SCCPDH: variants seen among roughly 807,000 people sequenced by gnomAD.
SCCPDH encodes the protein saccharopine dehydrogenase (putative).
Under a neutral mutation model 51.5 loss-of-function variants are expected in SCCPDH, and 34 were observed. The observed-to-expected ratio is 0.66, with a 90% CI of 0.50 to 0.88. SCCPDH has a LOEUF of 0.88. SCCPDH is among the 40% of genes least tolerant of loss of function. The pLI is 0.00. For synonymous variants in SCCPDH, 187 were observed against 191.3 expected (o/e 0.98, Z 0.19); for missense variants, 464 against 527.1 (o/e 0.88, Z 1.17).
intron 5 of SCCPDH, among the ~76,000 whole-genome samples, chr1:246,746,107 C>CAAAAAA (rs756929255): frequency 3.3e-4 from 26 of 79,516 alleles, no homozygotes; most frequent in African/African-American, 1.3e-3. Context: ...GACTCCATCT[C>CAAAAAA]AAAAAAAAAA....
intron 2 of SCCPDH, among the ~76,000 whole-genome samples, chr1:246,734,594 C>T (rs979649430): frequency 1.1e-4 from 16 of 152,090 alleles, no homozygotes; most frequent in African/African-American, 2.9e-4. Flanking sequence ...CAGTGTTATC[C>T]GCCATTCTTA....
intron 2 of SCCPDH, among the ~76,000 whole-genome samples, chr1:246,734,669 G>A (rs1668541953): frequency 1.3e-5 from 2 of 152,166 alleles, no homozygotes; most frequent in South Asian, 2.1e-4. Flanking sequence ...TGTAAAGGTC[G>A]ATTGTGTCTT....
intron 3 of SCCPDH, among the ~76,000 whole-genome samples, chr1:246,739,021 G>A (rs1668639362): frequency 6.6e-6 from 1 of 152,110 alleles, no homozygotes; most frequent in Non-Finnish European, 1.5e-5. Flanking sequence ...GTGACTTAAT[G>A]TGTTTGTGTG....
rs1320572640 is a variant in SCCPDH, at chr1:246,724,561, C to G, written c.139C>G (p.Arg47Gly). ...CCGCCTGCCCTGGGCCGTGGCGGGC[C>G]GCTCCCGGGAGAAGCTGCAGCGGGT... Reference protein sequence around the residue: ...SSRLPWAVAGRSREKLQRVLE... With the variant: ...SSRLPWAVAGGSREKLQRVLE... Residue 47 changes from arginine to glycine, a missense_variant, in exon 1 of 12, where the codon CGC becomes GGC. Coordinates refer to ENST00000366510, the MANE Select transcript of SCCPDH (RefSeq NM_016002.3). The G allele has an allele frequency of 6.5e-7, 1 of 1,537,040 alleles. No individual in the cohort carries two copies.
intron 5 of SCCPDH, among the ~76,000 whole-genome samples, chr1:246,747,522 G>T (rs538956012): frequency 2.0e-5 from 3 of 152,184 alleles, no homozygotes; most frequent in Non-Finnish European, 2.9e-5. Flanking sequence ...TTTCAGTGCC[G>T]CAAAAGAAAT....
chr1:246,742,330 C>T (rs781328095), intron 4 of SCCPDH, among the ~76,000 whole-genome samples: 2 of 152,148 alleles, frequency 1.3e-5, no homozygotes, highest in African/African-American at 2.4e-5. Context: ...TTTGAATAAG[C>T]CTTTTTTTCC....
chr1:246,735,906 T>C, intron 2 of SCCPDH, 69 bp from the exon 3 acceptor site: 2 of 975,508 alleles, frequency 2.1e-6, no homozygotes, highest in Non-Finnish European at 3.2e-6. Flanking sequence ...ACTTCCAGGA[T>C]TAGATGGCAT....
At position 246,762,713 on chromosome 1, in the gene SCCPDH, C is replaced by T. The variant is rs191286221; in HGVS notation, c.991-1533C>T. Among the ~76,000 whole-genome samples, 44 of 152,028 alleles carry T rather than the reference C, an allele frequency of 2.9e-4. No homozygotes were observed. The East Asian group carries it at 5.4e-3, about 19-fold the overall frequency. ...GAAATTAGCTGGACATGGTGGTGCA[C>T]GCCTGTAGTCCCAGCTACTCAGGAG... On this transcript the variant is annotated intron_variant, in intron 9 of 11. Coordinates refer to ENST00000366510, the MANE Select transcript of SCCPDH (RefSeq NM_016002.3).
chr1:246,724,452 G>T lies in SCCPDH; in HGVS notation c.30G>T (p.Leu10=). 6.3e-7 allele frequency: 1 copy of T among 1,589,662 alleles called. No homozygotes were observed. Among genetic ancestry groups the T allele is most frequent in the Non-Finnish European group, 8.5e-7 (1 of 1,170,730 alleles). Residue 10 remains leucine (L), a synonymous_variant, in exon 1 of 12, where the codon CTG becomes CTT. Coordinates refer to ENST00000366510, the MANE Select transcript of SCCPDH (RefSeq NM_016002.3). ...CGACCGAGCAGAGGCCTTTCCACCTGGTGGTGTTCGGCGCGTCTGGCTTCA... is the reference window on the plus strand; with the variant it reads ...CGACCGAGCAGAGGCCTTTCCACCTTGTGGTGTTCGGCGCGTCTGGCTTCA... The part of the protein sequence containing the change: MATEQRPFH[L]VVFGASGFTG...
intron 3 of SCCPDH, 134 bp downstream of exon 3, chr1:246,736,189 G>A (rs79363763): frequency 2.7e-5 from 17 of 625,010 alleles, no homozygotes; most frequent in African/African-American, 1.7e-4. Context: ...TATGGTATTC[G>A]TGTGGTATTC....
At chr1:246,734,525 G>GT (rs1668539971) in intron 2 of SCCPDH, among the ~76,000 whole-genome samples, 1 of 152,124 alleles carries the variant, frequency 6.6e-6, no homozygotes, top group Non-Finnish European at 1.5e-5. Context: ...ATTTCATGTG[G>GT]TTTGTTAATG....
At chr1:246,757,149 G>T (rs1301021475) in intron 5 of SCCPDH, among the ~76,000 whole-genome samples, 1 of 152,132 alleles carries the variant, frequency 6.6e-6, no homozygotes, top group Non-Finnish European at 1.5e-5. Context: ...TTCGAGACCA[G>T]CCTGGCCAAC....
chr1:246,736,472 C>T (rs1476163865), intron 3 of SCCPDH, among the ~76,000 whole-genome samples: 7 of 152,028 alleles, frequency 4.6e-5, no homozygotes, highest in South Asian at 2.1e-4. Flanking sequence ...GAGGCCAAGG[C>T]GGGCAGATCA....
At chr1:246,736,815 T>C (rs1256687179) in intron 3 of SCCPDH, among the ~76,000 whole-genome samples, 1 of 152,232 alleles carries the variant, frequency 6.6e-6, no homozygotes, top group Admixed American at 6.5e-5. Context: ...ATTTATTGAA[T>C]GCTTACCATA....
At chr1:246,725,819 T>TG (rs1259007733) in intron 1 of SCCPDH, among the ~76,000 whole-genome samples, 2 of 152,214 alleles carry the variant, frequency 1.3e-5, no homozygotes, top group African/African-American at 4.8e-5. Context: ...AGTTTCATTG[T>TG]GGGGGGATAT....
intron 3 of SCCPDH, among the ~76,000 whole-genome samples, chr1:246,736,706 CA>C (rs113165750): frequency 3.1e-4 from 41 of 130,914 alleles, no homozygotes; most frequent in Admixed American, 5.4e-4. Flanking sequence ...GACTCTGTCT[CA>C]AAAAAAAAAA....
Position 246,758,316 on chromosome 1 carries a change from C to A in SCCPDH, c.655C>A (p.Leu219Met), listed in dbSNP as rs1290303547. 2.5e-6 allele frequency: 4 copies of A among 1,610,172 alleles called. No homozygotes were observed. Among genetic ancestry groups the A allele is most frequent in the Non-Finnish European group, 3.4e-6 (4 of 1,178,406 alleles). ...NLRKLRNVSN[L>M]KPVPLIGPKL... ...GAGAAAACTAAGAAATGTATCAAAT[C>A]TGAAACCTGTCCCGCTCATTGGTCC... The change falls in exon 6 of 12, where the codon CTG (leucine) becomes ATG (methionine). Residue 219 changes from leucine to methionine, a missense_variant. Transcript: ENST00000366510.
chr1:246,745,599 T>C (rs909879356), intron 5 of SCCPDH, among the ~76,000 whole-genome samples: 2 of 152,068 alleles, frequency 1.3e-5, no homozygotes, highest in African/African-American at 4.8e-5. Flanking sequence ...GCTGTGGAGA[T>C]GTGAAGGAAG....
chr1:246,739,754 T>C (rs144745599), intron 3 of SCCPDH, among the ~76,000 whole-genome samples: 2 of 152,268 alleles, frequency 1.3e-5, no homozygotes, highest in East Asian at 3.9e-4. Flanking sequence ...GAGCAGACAT[T>C]ATTCCCCTGT....
Sources: gnomAD v4.1 joint callset for allele counts (sites outside exome capture counted in the v4.1 genomes callset) on GRCh38, gnomAD v4.1.1 for gene constraint, MANE v1.5 for transcripts, NCBI Gene and HGNC (gene_info 2026-07-23, HGNC 2026-07-21) for gene names.